The following ARHGEF17 variants were observed in gnomAD, a reference collection of about 807,000 sequenced individuals.
ARHGEF17 encodes 164 kDa Rho-specific guanine-nucleotide exchange factor.
Under a neutral mutation model 174.0 loss-of-function variants are expected in ARHGEF17, and 80 were observed. The observed-to-expected ratio is 0.46, with a 90% CI of 0.38 to 0.55. The LOEUF (loss-of-function observed/expected upper bound fraction) is 0.55, where lower values mean the gene tolerates loss of function less well. ARHGEF17 is among the 20% of genes least tolerant of loss of function. ARHGEF17 has a pLI of 0.00. For missense variants in ARHGEF17, 2,886 were observed against 2,839.7 expected, an observed-to-expected ratio of 1.02 and a Z score of -0.37; for synonymous variants, 1,311 against 1,189.1, an observed-to-expected ratio of 1.10 and a Z score of -2.11.
At chr11:73,360,845 G>A (rs538621581) in intron 11 of ARHGEF17, among the ~76,000 whole-genome samples, 1 of 152,334 alleles carries the variant, frequency 6.6e-6, no homozygotes, top group East Asian at 1.9e-4. Flanking sequence ...CAGGGAAAGC[G>A]ATTGATCAGG....
chr11:73,355,461 G>A lies in ARHGEF17; in HGVS notation c.3454-72G>A, dbSNP rs1286525252. On this transcript the variant is annotated intron_variant, in intron 3 of 20. Transcript: ENST00000263674. The stretch of plus-strand genomic sequence containing the variant: ...GGAAAAGATGGTGACTCATGAATCA[G>A]TGAAAACTAGGACAGGGTGAGGTGG... 7 of 973,780 alleles carry A rather than the reference G, an allele frequency of 7.2e-6. No homozygotes were observed. In the African/African-American group the frequency reaches 9.6e-5, roughly 13 times the overall value. 60.3% of individuals were successfully genotyped at this position (973,780 alleles called of 1,614,324 possible).
rs79077655 is a variant in ARHGEF17 at position 73,323,901 on chromosome 11, G to A, written c.3192+12071G>A. On this transcript the variant is annotated intron_variant, in intron 1 of 20. Coordinates refer to ENST00000263674, the MANE Select transcript of ARHGEF17 (RefSeq NM_014786.4). ...ATCTGTGTCTTTGTTCCAGCCACTC[G>A]CACCAGGACTTCCTCTCATGGAGGC... 8.3e-3 allele frequency among the ~76,000 whole-genome samples: 1,268 copies of A among 152,304 alleles called. 14 individuals are homozygous for A. Among genetic ancestry groups the A allele is most frequent in the Non-Finnish European group, 0.013 (873 of 68,016 alleles).
In ARHGEF17 at chr11:73,310,718, C is replaced by T. The variant is rs1864810218; in HGVS notation, c.2080C>T (p.Leu694=). The change falls in exon 1 of 21, where the codon CTG becomes TTG. Residue 694 remains leucine, a synonymous_variant. Coordinates refer to ENST00000263674, the MANE Select transcript of ARHGEF17 (RefSeq NM_014786.4). ...GTEDSLGGWA[L]VSPETPPTPG... ...TGAGGACAGTCTGGGCGGGTGGGCC[C>T]TGGTGTCGCCTGAGACCCCTCCCAC... 2 of 1,612,786 alleles carry T rather than the reference C, an allele frequency of 1.2e-6. No homozygotes were observed. Among genetic ancestry groups the T allele is most frequent in the African/African-American group, 1.3e-5 (1 of 74,924 alleles).
At chr11:73,344,384 G>C (rs1211692588) in intron 1 of ARHGEF17, among the ~76,000 whole-genome samples, 1 of 152,212 alleles carries the variant, frequency 6.6e-6, no homozygotes, top group Non-Finnish European at 1.5e-5. Flanking sequence ...TCTGCCGCAG[G>C]GAGGAGGCTG....
At chr11:73,321,091 A>G (rs1189165694) in intron 1 of ARHGEF17, among the ~76,000 whole-genome samples, 1 of 152,118 alleles carries the variant, frequency 6.6e-6, no homozygotes, top group East Asian at 1.9e-4. Flanking sequence ...GCTGCTGGGC[A>G]CCTCTTTCCA....
At chr11:73,331,642 G>A (rs1865205456) in intron 1 of ARHGEF17, among the ~76,000 whole-genome samples, 1 of 152,152 alleles carries the variant, frequency 6.6e-6, no homozygotes, top group Non-Finnish European at 1.5e-5. Flanking sequence ...GGGGGGAGGA[G>A]GTCAGACTCA....
At chr11:73,359,449 A>AC (rs1464734990) in intron 9 of ARHGEF17, among the ~76,000 whole-genome samples, 1 of 152,228 alleles carries the variant, frequency 6.6e-6, no homozygotes, top group Non-Finnish European at 1.5e-5. Context: ...CTTGGTCAGC[A>AC]CATTTGACTG....
chr11:73,359,877 C>T lies in ARHGEF17; in HGVS notation c.4131C>T (p.Ile1377=), dbSNP rs1565207932. Residue 1377 remains isoleucine, a synonymous_variant, in exon 10 of 21, where the codon ATC becomes ATT. Coordinates refer to ENST00000263674, the MANE Select transcript of ARHGEF17 (RefSeq NM_014786.4). ...ATCGGGAGAACATCCAGAAGGCCAT[C>T]AGCCGCCTTGATGAGGACCTCACCA... ...ATNRENIQKA[I]SRLDEDLTTL... The T allele has an allele frequency of 6.2e-7, 1 of 1,613,488 alleles. No homozygotes were observed. Among genetic ancestry groups the T allele is most frequent in the Non-Finnish European group, 8.5e-7 (1 of 1,179,690 alleles).
Position 73,365,287 on chromosome 11 carries a change from C to A in ARHGEF17, c.5551-103C>A. On this transcript the variant is annotated intron_variant, in intron 18 of 20. Transcript: ENST00000263674. This position sits in a 1 kb window ranked among gnomAD's most constrained non-coding sequence, Gnocchi z 4.9. ...AGGTTAATCAGACCAAGGACCAACGCTAGTGTGAGTTGTGAGGGATGGACA... is the reference window on the plus strand; with the variant it reads ...AGGTTAATCAGACCAAGGACCAACGATAGTGTGAGTTGTGAGGGATGGACA... 1.5e-6 allele frequency: 2 copies of A among 1,338,962 alleles called. No homozygotes were observed. Among genetic ancestry groups the A allele is most frequent in the Non-Finnish European group, 2.1e-6 (2 of 958,804 alleles). 82.9% of individuals were successfully genotyped at this position (1,338,962 alleles called of 1,614,324 possible).
At chr11:73,312,013 A>G (rs1218187008) in intron 1 of ARHGEF17, among the ~76,000 whole-genome samples, 183 bp downstream of exon 1, 1 of 152,212 alleles carries the variant, frequency 6.6e-6, no homozygotes, top group Non-Finnish European at 1.5e-5. Context: ...CTGTCTACTC[A>G]GGCCCTGTAG....
chr11:73,315,227 C>T (rs1177870547), intron 1 of ARHGEF17, among the ~76,000 whole-genome samples: 1 of 152,182 alleles, frequency 6.6e-6, no homozygotes, highest in Non-Finnish European at 1.5e-5. Flanking sequence ...CTCCACATCC[C>T]CAACAGCCTG....
chr11:73,320,449 A>C (rs1027838795), intron 1 of ARHGEF17, among the ~76,000 whole-genome samples: 8 of 151,070 alleles, frequency 5.3e-5, no homozygotes, highest in Non-Finnish European at 1.2e-4. Context: ...AGCCTGGCCA[A>C]TATGGTGAAA....
At chr11:73,346,749 C>G (rs1865467379) in intron 1 of ARHGEF17, 134 bp from the exon 2 acceptor site, 2 of 642,166 alleles carry the variant, frequency 3.1e-6, no homozygotes, top group Non-Finnish European at 4.9e-6. Context: ...AGCCCGGAGC[C>G]CTGGGCGGCA....
chr11:73,326,839 G>C (rs1410127460), intron 1 of ARHGEF17, among the ~76,000 whole-genome samples: 1 of 152,226 alleles, frequency 6.6e-6, no homozygotes, highest in Non-Finnish European at 1.5e-5. Flanking sequence ...TGAAAGTAGG[G>C]TCATGTCTGC....
intron 8 of ARHGEF17, 38 bp downstream of exon 8, chr11:73,357,172 G>C: frequency 6.2e-7 from 1 of 1,608,974 alleles, no homozygotes; most frequent in Non-Finnish European, 8.5e-7. Flanking sequence ...GTGCCAACAG[G>C]GGGAGCATTT....
chr11:73,314,171 G>T (rs1864890217), intron 1 of ARHGEF17, among the ~76,000 whole-genome samples: 1 of 152,224 alleles, frequency 6.6e-6, no homozygotes, highest in Admixed American at 6.5e-5. Flanking sequence ...GGTGGCCTCT[G>T]TTGAGGAGAC....
Position 73,352,845 on chromosome 11 carries a change from C to T in ARHGEF17, c.3286C>T (p.Leu1096=). Residue 1096 remains leucine, a synonymous_variant, in exon 3 of 21, where the codon CTG becomes TTG. Transcript: ENST00000263674. The stretch of plus-strand genomic sequence containing the variant: ...GGTCCTTCAGGGCTACATGCAGCCG[C>T]TGAAGCAGCCAGAGAACTCCGTGCT... ...RTLMQGYMQP[L]KQPENSVLCD... The T allele has an allele frequency of 6.2e-7, 1 of 1,613,994 alleles. No homozygotes were observed. The highest frequency in any genetic ancestry group is 8.5e-7 in the Non-Finnish European group (1 of 1,180,032).
Position 73,362,420 on chromosome 11 carries a change from C to T in ARHGEF17, c.4695-13C>T. ...CTCGTAGCTGCTGTCATCCTCACTC[C>T]GTCTTCTCGCAGGGAGCCTCCTCCG... On this transcript the variant is annotated splice_polypyrimidine_tract_variant and intron_variant, in intron 13 of 20. Coordinates refer to ENST00000263674, the MANE Select transcript of ARHGEF17 (RefSeq NM_014786.4). The T allele has an allele frequency of 2.0e-6, 3 of 1,535,286 alleles. No individual in the cohort carries two copies. Among genetic ancestry groups the T allele is most frequent in the South Asian group, 1.2e-5 (1 of 81,514 alleles).
intron 1 of ARHGEF17, among the ~76,000 whole-genome samples, chr11:73,338,768 T>C (rs1865324403): frequency 1.3e-5 from 2 of 151,892 alleles, no homozygotes; most frequent in African/African-American, 4.8e-5. Context: ...GGGTGGGGTT[T>C]AGGAGCCTGG....
Sources: gnomAD v4.1 joint callset for allele counts (sites outside exome capture counted in the v4.1 genomes callset) on GRCh38, gnomAD v4.1.1 for gene constraint, Gnocchi (gnomAD v3.1) non-coding constraint, MANE v1.5 for transcripts, NCBI Gene and HGNC (gene_info 2026-07-23, HGNC 2026-07-21) for gene names.